Variants in XPR1 observed in about 807,000 individuals in gnomAD.
XPR1 encodes xenotropic and polytropic retrovirus receptor 1.
XPR1 carries 28 observed loss-of-function variants against 87.5 expected under a neutral mutation model. The observed-to-expected ratio is 0.32, with a 90% CI of 0.24 to 0.44. The LOEUF (loss-of-function observed/expected upper bound fraction) is 0.44, where lower values mean the gene tolerates loss of function less well. Ranked by LOEUF, XPR1 falls within the 20% of genes least tolerant of loss-of-function variation. XPR1 has a pLI of 1.00. For missense variants in XPR1, 559 were observed against 862.3 expected (o/e 0.65, Z 4.41); for synonymous variants, 300 against 306.1 (o/e 0.98, Z 0.21).
intron 6 of XPR1, among the ~76,000 whole-genome samples, chr1:180,809,324 T>C (rs1057083483): frequency 1.3e-5 from 2 of 152,154 alleles, no homozygotes; most frequent in African/African-American, 2.4e-5. Flanking sequence ...GTCGTGGATA[T>C]GTTCTTTGTC....
intron 2 of XPR1, among the ~76,000 whole-genome samples, chr1:180,720,080 G>A (rs1658129968): frequency 6.6e-6 from 1 of 152,040 alleles, no homozygotes; most frequent in Non-Finnish European, 1.5e-5. Flanking sequence ...CAAGGTAAGT[G>A]GTTCTGACAG....
chr1:180,790,972 A>G (rs1221727171), intron 3 of XPR1, among the ~76,000 whole-genome samples: 1 of 152,194 alleles, frequency 6.6e-6, no homozygotes, highest in African/African-American at 2.4e-5. Context: ...ATAAAGAGGA[A>G]CCAGCAATGT....
intron 2 of XPR1, among the ~76,000 whole-genome samples, chr1:180,729,992 A>T (rs1243422580): frequency 6.6e-6 from 1 of 152,144 alleles, no homozygotes; most frequent in East Asian, 1.9e-4. Context: ...GGTATTTCCT[A>T]GGTTATCTCC....
chr1:180,826,450 A>G (rs1255619152), intron 9 of XPR1, among the ~76,000 whole-genome samples: 1 of 152,098 alleles, frequency 6.6e-6, no homozygotes, highest in East Asian at 1.9e-4. Flanking sequence ...TGTGACGCTC[A>G]GGTGAGAGGA....
intron 2 of XPR1, among the ~76,000 whole-genome samples, chr1:180,747,366 A>G (rs1557987122): frequency 1.3e-5 from 2 of 152,288 alleles, no homozygotes; most frequent in Non-Finnish European, 1.5e-5. Flanking sequence ...TGAGGCACCT[A>G]TTGTTTCAAG....
rs1400860767 is a variant in XPR1 at position 180,884,599 on chromosome 1, T to C, written c.*533T>C. On this transcript the variant is annotated 3_prime_UTR_variant, in exon 15 of 15. Transcript: ENST00000367590. ...AAAGCAGTACCTTCATTCATGAAGC[T>C]ACTTTTTAATTTGATGTAACTTTTC... 1 of 152,500 alleles carries C rather than the reference T, an allele frequency of 6.6e-6. No individual in the cohort carries two copies. Among genetic ancestry groups the C allele is most frequent in the Non-Finnish European group, 1.5e-5 (1 of 68,018 alleles). The allele number at this position is 152,500 out of a possible 1,614,324, so 9.4% of individuals were successfully genotyped here. A position where few individuals can be genotyped will look rare whatever the true frequency, so the allele number is the denominator to read the frequency against.
chr1:180,706,777 A>AT (rs536290314), intron 2 of XPR1, among the ~76,000 whole-genome samples: 30 of 150,884 alleles, frequency 2.0e-4, no homozygotes, highest in South Asian at 6.3e-4. Flanking sequence ...ATGCCTGGCT[A>AT]TTTTTTTTTA....
At chr1:180,814,082 A>C (rs546557751) in intron 7 of XPR1, among the ~76,000 whole-genome samples, 37 of 152,328 alleles carry the variant, frequency 2.4e-4, no homozygotes, top group African/African-American at 8.2e-4. Context: ...TAGATGTTCG[A>C]GAGATAATTT....
At chr1:180,785,490 T>A (rs1426571563) in intron 2 of XPR1, among the ~76,000 whole-genome samples, 1 of 151,998 alleles carries the variant, frequency 6.6e-6, no homozygotes, top group Non-Finnish European at 1.5e-5. Context: ...AAGAAATAAA[T>A]TCTTAGGAGA....
At chr1:180,862,118 A>G (rs1160325009) in intron 11 of XPR1, among the ~76,000 whole-genome samples, 1 of 152,132 alleles carries the variant, frequency 6.6e-6, no homozygotes, top group Non-Finnish European at 1.5e-5. Context: ...AAATTTAACA[A>G]TTGGCCTCTC....
chr1:180,819,760 G>C (rs1044622866), intron 7 of XPR1, among the ~76,000 whole-genome samples: 2 of 152,174 alleles, frequency 1.3e-5, no homozygotes, highest in Non-Finnish European at 2.9e-5. Flanking sequence ...GCTCATGCCT[G>C]TAATCCTAGC....
intron 2 of XPR1, among the ~76,000 whole-genome samples, chr1:180,696,204 GTGTGTA>G (rs1473377044): frequency 2.1e-3 from 211 of 102,390 alleles, no homozygotes; most frequent in African/African-American, 4.0e-3. Flanking sequence ...GTGTGTGTGT[GTGTGTA>G]TATATATATA....
chr1:180,864,432 CA>C (rs1217623625), intron 12 of XPR1, among the ~76,000 whole-genome samples: 1 of 152,024 alleles, frequency 6.6e-6, no homozygotes, highest in African/African-American at 2.4e-5. Context: ...TCTTCACTTC[CA>C]AGCATAATTA....
intron 11 of XPR1, among the ~76,000 whole-genome samples, chr1:180,855,434 A>C (rs532824059): frequency 6.6e-6 from 1 of 152,286 alleles, no homozygotes; most frequent in East Asian, 1.9e-4. Context: ...TGGGAGGCCC[A>C]GGAGGGCAGA....
At chr1:180,845,980 C>G (rs943677691) in intron 11 of XPR1, among the ~76,000 whole-genome samples, 1 of 152,126 alleles carries the variant, frequency 6.6e-6, no homozygotes, top group African/African-American at 2.4e-5. Context: ...ATCAAGGGGG[C>G]TGGGCACGGT....
intron 2 of XPR1, among the ~76,000 whole-genome samples, chr1:180,720,897 A>G (rs1658160755): frequency 6.6e-6 from 1 of 152,216 alleles, no homozygotes; most frequent in African/African-American, 2.4e-5. Flanking sequence ...GTATAAAAGA[A>G]TCAGAGGGTA....
intron 2 of XPR1, among the ~76,000 whole-genome samples, chr1:180,718,124 A>T (rs1031575885): frequency 6.6e-6 from 1 of 152,218 alleles, no homozygotes; most frequent in African/African-American, 2.4e-5. Context: ...AGGTGGTAGT[A>T]CTACTGTGCA....
At chr1:180,788,201 GA>G (rs1393673792) in intron 3 of XPR1, among the ~76,000 whole-genome samples, 1 of 152,134 alleles carries the variant, frequency 6.6e-6, no homozygotes, top group Non-Finnish European at 1.5e-5. Flanking sequence ...GCTTATCAGT[GA>G]TGGCAGTTTT....
intron 7 of XPR1, among the ~76,000 whole-genome samples, chr1:180,819,815 C>A (rs1199423320): frequency 6.6e-6 from 1 of 152,002 alleles, no homozygotes; most frequent in Admixed American, 6.6e-5. Flanking sequence ...CTCAGGAGTT[C>A]GAGACCAGCC....
Sources: allele counts gnomAD v4.1 joint callset (sites outside exome capture counted in the v4.1 genomes callset), GRCh38; gene constraint gnomAD v4.1.1; transcripts MANE v1.5; gene names NCBI Gene and HGNC (gene_info 2026-07-23, HGNC 2026-07-21).